Variants in BRD10 observed in about 807,000 individuals in gnomAD.
BRD10 encodes the protein bromodomain containing 10, also known as uncharacterized bromodomain-containing protein 10.
chr9:5,884,175 C>T, the BRD10 span, among the ~76,000 whole-genome samples: 3 of 152,214 alleles, frequency 2.0e-5, no homozygotes, highest in African/African-American at 7.2e-5. Flanking sequence ...TTACAGTTTA[C>T]ACAATGTTTT....
At chr9:5,985,504 G>T in the BRD10 span, among the ~76,000 whole-genome samples, 1 of 152,184 alleles carries the variant, frequency 6.6e-6, no homozygotes, top group African/African-American at 2.4e-5. Flanking sequence ...AAGAATTCTT[G>T]GCTGGGCACG....
At chr9:5,970,172 A>G in the BRD10 span, among the ~76,000 whole-genome samples, 6 of 152,216 alleles carry the variant, frequency 3.9e-5, no homozygotes, top group East Asian at 1.2e-3. Context: ...TTATGTACTT[A>G]CCAATGTTAA....
chr9:5,999,933 A>G, the BRD10 span, among the ~76,000 whole-genome samples: 2 of 152,112 alleles, frequency 1.3e-5, no homozygotes, highest in African/African-American at 4.8e-5. Context: ...CACTGTGTCC[A>G]TCCCTTAAGG....
the BRD10 span, among the ~76,000 whole-genome samples, chr9:5,902,545 A>G: frequency 6.6e-6 from 1 of 150,712 alleles, no homozygotes; most frequent in Non-Finnish European, 1.5e-5. Flanking sequence ...GCTCACTGTT[A>G]CCTTGAACTC....
At chr9:5,908,582 T>C in the BRD10 span, 2 of 1,417,362 alleles carry the variant, frequency 1.4e-6, no homozygotes, top group East Asian at 2.3e-5. Context: ...ACTTAATCCC[T>C]TCCTAGAAAC....
the BRD10 span, among the ~76,000 whole-genome samples, chr9:5,914,410 G>GTTTTTTTTTT: frequency 4.0e-5 from 3 of 75,488 alleles, no homozygotes; most frequent in African/African-American, 1.8e-4. Context: ...AATCCAGATG[G>GTTTTTTTTTT]TTTTTTTTTT....
At chr9:5,922,934 G>A in the BRD10 span, 1 of 1,613,994 alleles carries the variant, frequency 6.2e-7, no homozygotes. Context: ...CAGTTGATTT[G>A]TTAAGGTCAC....
the BRD10 span, among the ~76,000 whole-genome samples, chr9:5,987,910 A>G: frequency 2.0e-5 from 3 of 152,200 alleles, no homozygotes; most frequent in Non-Finnish European, 4.4e-5. Context: ...TTTCCTGATC[A>G]GCCCAGAGTA....
At chr9:5,925,486 A>C in the BRD10 span, among the ~76,000 whole-genome samples, 6 of 152,154 alleles carry the variant, frequency 3.9e-5, no homozygotes, top group African/African-American at 1.2e-4. Context: ...TGAGACAACT[A>C]ATTTTTTTTC....
the BRD10 span, chr9:5,944,727 G>A: frequency 2.0e-6 from 1 of 499,806 alleles, no homozygotes; most frequent in East Asian, 3.3e-5. Flanking sequence ...CCACACAGGA[G>A]AAATAAAAGA....
the BRD10 span, among the ~76,000 whole-genome samples, chr9:5,916,681 G>A: frequency 6.6e-6 from 1 of 152,030 alleles, no homozygotes; most frequent in Non-Finnish European, 1.5e-5. Context: ...CACACCAGAA[G>A]GAGGCAGGCT....
chr9:5,981,997 C>G, the BRD10 span, among the ~76,000 whole-genome samples: 1 of 151,994 alleles, frequency 6.6e-6, no homozygotes, highest in Non-Finnish European at 1.5e-5. Flanking sequence ...TTTATGTAAC[C>G]AAACACCACC....
At chr9:5,939,186 C>T in the BRD10 span, among the ~76,000 whole-genome samples, 2 of 151,936 alleles carry the variant, frequency 1.3e-5, no homozygotes, top group East Asian at 1.9e-4. Flanking sequence ...TAGTGAAAGC[C>T]GTTATTAATG....
At chr9:5,897,947 G>A in the BRD10 span, 1 of 302,112 alleles carries the variant, frequency 3.3e-6, no homozygotes, top group Non-Finnish European at 6.4e-6. Context: ...TGGGAGGCTG[G>A]GAACTCCAAG....
the BRD10 span, among the ~76,000 whole-genome samples, chr9:5,940,123 T>TTTAA: frequency 0.25 from 37,911 of 152,006 alleles, 4,889 homozygotes; most frequent in South Asian, 0.37. Flanking sequence ...TTGAAATTTC[T>TTTAA]TTCTTTTTAA....
the BRD10 span, chr9:5,919,786 T>G: frequency 6.8e-6 from 11 of 1,613,596 alleles, no homozygotes; most frequent in Admixed American, 1.8e-4. Flanking sequence ...GAGAGAGAGA[T>G]GGAGAGAGTG....
chr9:5,987,155 A>G, the BRD10 span, among the ~76,000 whole-genome samples: 1 of 152,064 alleles, frequency 6.6e-6, no homozygotes, highest in Non-Finnish European at 1.5e-5. Context: ...CTCACGCTCA[A>G]TAAACATTAG....
the BRD10 span, among the ~76,000 whole-genome samples, chr9:5,962,189 G>C: frequency 6.6e-6 from 1 of 151,518 alleles, no homozygotes; most frequent in Non-Finnish European, 1.5e-5. Context: ...AACGAGAGAA[G>C]AATCAAATAG....
the BRD10 span, chr9:6,007,580 A>T: frequency 6.0e-5 from 97 of 1,609,470 alleles, no homozygotes; most frequent in African/African-American, 1.2e-3. Context: ...TGCTCCTTGC[A>T]GCAACCGCCT....
Sources: gnomAD v4.1 joint callset for allele counts (sites outside exome capture counted in the v4.1 genomes callset) on GRCh38, gnomAD v4.1.1 for gene constraint, MANE v1.5 for transcripts, NCBI Gene and HGNC (gene_info 2026-07-23, HGNC 2026-07-21) for gene names.